AP2B1: variants seen among roughly 807,000 people sequenced by gnomAD.
AP2B1 encodes adaptor related protein complex 2 subunit beta 1, also known as AP-2 complex subunit beta.
AP2B1 carries 23 observed loss-of-function variants against 102.0 expected under a neutral mutation model. The ratio of observed to expected loss-of-function variants is 0.23; its 90% CI spans 0.16 to 0.32. The LOEUF (loss-of-function observed/expected upper bound fraction) is 0.32, where lower values mean the gene tolerates loss of function less well. Ranked by LOEUF, AP2B1 falls within the 10% of genes least tolerant of loss-of-function variation. The pLI, the probability that AP2B1 is intolerant of heterozygous loss-of-function variation, is 1.00. For missense variants in AP2B1, 541 were observed against 1,157.4 expected, an observed-to-expected ratio of 0.47 and a Z score of 7.73; for synonymous variants, 381 against 421.2, an observed-to-expected ratio of 0.90 and a Z score of 1.17.
At chr17:35,606,140 C>G (rs1408843236) in intron 4 of AP2B1, among the ~76,000 whole-genome samples, 1 of 152,152 alleles carries the variant, frequency 6.6e-6, no homozygotes, top group Non-Finnish European at 1.5e-5. Flanking sequence ...GGGGCTTTAC[C>G]TATTTTATCT....
At chr17:35,634,224 A>AC (rs752578265) in intron 9 of AP2B1, among the ~76,000 whole-genome samples, 27 of 152,168 alleles carry the variant, frequency 1.8e-4, no homozygotes, top group Non-Finnish European at 3.1e-4. Context: ...TATTGAAGAA[A>AC]CTAGGTCATT....
chr17:35,633,081 G>A (rs571740645), intron 9 of AP2B1, among the ~76,000 whole-genome samples: 10 of 151,984 alleles, frequency 6.6e-5, no homozygotes, highest in Non-Finnish European at 1.3e-4. Flanking sequence ...CTGCAGAATC[G>A]GCCGGGCGCG....
In AP2B1 at chr17:35,717,206, AGCAAGTT is replaced by A; in HGVS notation, c.2643_2649del (p.Leu882ThrfsTer22). 2 of 1,613,896 alleles carry A rather than the reference AGCAAGTT, an allele frequency of 1.2e-6. No individual in the cohort carries two copies. Among genetic ancestry groups the A allele is most frequent in the Non-Finnish European group, 1.7e-6 (2 of 1,179,844 alleles). On this transcript the variant is annotated frameshift_variant, in exon 21 of 22. Transcript: ENST00000610402. LOFTEE classifies it high-confidence loss of function. ...ATCTGTATTTCTAGACACTGTTTCC[AGCAAGTT>A]GCAAAACAACAATGTTTATACTATT...
At chr17:35,656,190 T>A (rs959046948) in intron 13 of AP2B1, among the ~76,000 whole-genome samples, 1 of 152,232 alleles carries the variant, frequency 6.6e-6, no homozygotes. Context: ...ATAAAGATGC[T>A]ACTCTAGGTT....
intron 3 of AP2B1, 90 bp from the exon 4 acceptor site, chr17:35,605,615 C>A (rs1297197809): frequency 2.3e-6 from 2 of 866,712 alleles, no homozygotes; most frequent in Non-Finnish European, 3.6e-6. Context: ...TGCATCAAAT[C>A]ACTGTTAGTT....
chr17:35,592,523 C>T (rs1030957260), intron 1 of AP2B1, among the ~76,000 whole-genome samples: 3 of 151,526 alleles, frequency 2.0e-5, no homozygotes, highest in Non-Finnish European at 1.5e-5. Context: ...TGAGCCACCG[C>T]GCCTGGCCCA....
At chr17:35,677,570 C>G (rs2075728417) in intron 17 of AP2B1, among the ~76,000 whole-genome samples, 1 of 151,940 alleles carries the variant, frequency 6.6e-6, no homozygotes, top group African/African-American at 2.4e-5. Context: ...CTTTTCAAAG[C>G]TTGTTTTGGC....
chr17:35,623,692 G>A (rs774795706), intron 5 of AP2B1, among the ~76,000 whole-genome samples: 98 of 152,172 alleles, frequency 6.4e-4, no homozygotes, highest in Non-Finnish European at 1.1e-3. Context: ...AGGTGTTAAT[G>A]TGAAAAACTG....
intron 21 of AP2B1, among the ~76,000 whole-genome samples, chr17:35,720,567 ATATATATTTTTTTTT>A (rs1371225212): frequency 0.01 from 530 of 52,336 alleles, 15 homozygotes; most frequent in East Asian, 0.082. Context: ...ATATATATAT[ATATATATTTTTTTTT>A]TTTTTTTTTT....
intron 9 of AP2B1, among the ~76,000 whole-genome samples, chr17:35,630,362 C>T (rs1163941700): frequency 1.3e-5 from 2 of 152,144 alleles, no homozygotes; most frequent in Admixed American, 6.6e-5. Flanking sequence ...GTTTTTATTA[C>T]CACTGTCACC....
In AP2B1 at chr17:35,639,705, A is replaced by G. The variant is rs2142725153; in HGVS notation, c.1382A>G (p.Asn461Ser). Residue 461 changes from asparagine (N) to serine (S), a missense_variant, in exon 11 of 22, where the codon AAT becomes AGT. This residue lies in a region of AP2B1 where 106 missense variants were observed against 296.4 expected (regional missense o/e 0.36). Coordinates refer to ENST00000610402, the MANE Select transcript of AP2B1 (RefSeq NM_001030006.2). ...IVGEYAERID[N>S]ADELLESFLE... ...GGAGAATATGCTGAAAGAATTGACAATGCAGATGAGTTACTAGAAAGCTTC... is the reference window on the plus strand; with the variant it reads ...GGAGAATATGCTGAAAGAATTGACAGTGCAGATGAGTTACTAGAAAGCTTC... The G allele has an allele frequency of 1.2e-6, 2 of 1,614,202 alleles. No homozygotes were observed. The highest frequency in any genetic ancestry group is 1.1e-5 in the South Asian group (1 of 91,084).
intron 14 of AP2B1, 127 bp from the exon 15 acceptor site, chr17:35,670,730 G>A: frequency 1.1e-6 from 1 of 927,144 alleles, no homozygotes; most frequent in Non-Finnish European, 1.7e-6. Context: ...TTAGGCTTTG[G>A]GAGACAAGTT....
intron 18 of AP2B1, among the ~76,000 whole-genome samples, chr17:35,695,693 T>A (rs1359467887): frequency 6.6e-6 from 1 of 152,142 alleles, no homozygotes; most frequent in African/African-American, 2.4e-5. Context: ...TACAACAGAA[T>A]TACTCTATAT....
At chr17:35,711,821 T>C (rs2076458891) in intron 20 of AP2B1, among the ~76,000 whole-genome samples, 1 of 152,196 alleles carries the variant, frequency 6.6e-6, no homozygotes, top group African/African-American at 2.4e-5. Flanking sequence ...TCATCTTCTG[T>C]GTTCAGATGA....
chr17:35,649,368 G>T (rs934835565), intron 12 of AP2B1, among the ~76,000 whole-genome samples: 1 of 151,884 alleles, frequency 6.6e-6, no homozygotes, highest in Admixed American at 6.6e-5. Flanking sequence ...TCCCGGGTTC[G>T]AGTGATTCTC....
rs1598383020 is a variant in AP2B1 at position 35,725,609 on chromosome 17, A to G, written c.*1910A>G. The G allele has an allele frequency of 6.6e-6, 1 of 152,528 alleles. No individual in the cohort carries two copies. Among genetic ancestry groups the G allele is most frequent in the East Asian group, 1.9e-4 (1 of 5,188 alleles). The allele number at this position is 152,528 out of a possible 1,614,324, so 9.4% of individuals were successfully genotyped here. On this transcript the variant is annotated 3_prime_UTR_variant, in exon 22 of 22. Coordinates refer to ENST00000610402, the MANE Select transcript of AP2B1 (RefSeq NM_001030006.2). ...GAAGCACATGGCAGTAGGAAACAGC[A>G]TAGGATTGTATGTGGGAGGTGGATA... is the stretch of plus-strand genomic sequence containing the variant.
At chr17:35,632,689 G>GT (rs1363660489) in intron 9 of AP2B1, among the ~76,000 whole-genome samples, 1 of 151,194 alleles carries the variant, frequency 6.6e-6, no homozygotes, top group East Asian at 1.9e-4. Context: ...AAGCAGTATG[G>GT]TTGAGATGAT....
intron 20 of AP2B1, among the ~76,000 whole-genome samples, chr17:35,714,881 A>T (rs1364781415): frequency 6.6e-6 from 1 of 152,208 alleles, no homozygotes; most frequent in Non-Finnish European, 1.5e-5. Flanking sequence ...CATTCTCATT[A>T]TCAAACTCTC....
At chr17:35,616,228 G>A (rs1368972193) in intron 5 of AP2B1, among the ~76,000 whole-genome samples, 8 of 118,128 alleles carry the variant, frequency 6.8e-5, no homozygotes, top group Admixed American at 1.2e-4. Flanking sequence ...GCAGTGGCGC[G>A]ATCTCGGCTC....
Sources: gnomAD v4.1 joint callset for allele counts (sites outside exome capture counted in the v4.1 genomes callset) on GRCh38, gnomAD v4.1.1 for gene constraint, gnomAD v4.1.1 regional missense constraint, MANE v1.5 for transcripts, NCBI Gene and HGNC (gene_info 2026-07-23, HGNC 2026-07-21) for gene names.